ERG: variants seen among roughly 807,000 people sequenced by gnomAD.
The protein encoded by ERG is transcriptional regulator ERG.
A neutral mutation model predicts 55.3 loss-of-function variants in ERG; 9 were observed. That is an observed-to-expected ratio of 0.16 (90% confidence interval 0.10 to 0.28). ERG has a LOEUF of 0.28. Among genes scored for constraint, ERG ranks in the 10% least tolerant of loss-of-function variants. The pLI, the probability that ERG is intolerant of heterozygous loss-of-function variation, is 1.00. For synonymous variants in ERG, 223 were observed against 237.3 expected (o/e 0.94, Z 0.55); for missense variants, 434 against 631.6 (o/e 0.69, Z 3.35).
intron 2 of ERG, among the ~76,000 whole-genome samples, chr21:38,441,441 G>A (rs944061349): frequency 3.3e-5 from 5 of 152,182 alleles, no homozygotes; most frequent in African/African-American, 9.7e-5. Flanking sequence ...TTTCCAGCCT[G>A]CCAGCCTCCC....
At chr21:38,409,488 T>TAA (rs71330329) in intron 3 of ERG, among the ~76,000 whole-genome samples, 888 of 78,882 alleles carry the variant, frequency 0.011, 33 homozygotes, top group African/African-American at 0.02. Flanking sequence ...CTCCGTCTCA[T>TAA]AAAAAAAAAA....
At chr21:38,394,722 G>A (rs541510958) in intron 6 of ERG, among the ~76,000 whole-genome samples, 4 of 152,288 alleles carry the variant, frequency 2.6e-5, no homozygotes, top group Non-Finnish European at 4.4e-5. Flanking sequence ...GCCTGCTCTA[G>A]ACCATTGCTC....
At chr21:38,390,265 G>A (rs576394094) in intron 9 of ERG, among the ~76,000 whole-genome samples, 60 of 152,318 alleles carry the variant, frequency 3.9e-4, no homozygotes, top group African/African-American at 1.4e-3. Flanking sequence ...TTCTAGCATC[G>A]AAGTTCAGAA....
intron 1 of ERG, among the ~76,000 whole-genome samples, chr21:38,601,133 T>C (rs2060162090): frequency 2.0e-5 from 3 of 152,278 alleles, no homozygotes; most frequent in East Asian, 1.9e-4. Context: ...GATTCCAGGA[T>C]TGACAGGATG....
intron 1 of ERG, among the ~76,000 whole-genome samples, chr21:38,488,880 T>C (rs1424459577): frequency 1.3e-5 from 2 of 152,254 alleles, no homozygotes; most frequent in African/African-American, 4.8e-5. Context: ...ACCGAGTAGA[T>C]GACACCGAGG....
intron 1 of ERG, among the ~76,000 whole-genome samples, chr21:38,645,914 G>A (rs2060453137): frequency 6.6e-6 from 1 of 152,096 alleles, no homozygotes; most frequent in Non-Finnish European, 1.5e-5. Flanking sequence ...TGATGGCCCA[G>A]GAAGACGTCG....
upstream of ERG, among the ~76,000 whole-genome samples, chr21:38,498,826 C>A (rs1322211451): frequency 1.3e-5 from 2 of 152,124 alleles, no homozygotes; most frequent in Non-Finnish European, 2.9e-5. This position sits in a 1 kb window ranked among gnomAD's most constrained non-coding sequence, Gnocchi z 4.6. Flanking sequence ...CACCCCACTG[C>A]CCTGGGTGTC....
At position 38,382,810 on chromosome 21, in the gene ERG, A is replaced by C; in HGVS notation, c.*593T>G. On this transcript the variant is annotated 3_prime_UTR_variant, in exon 10 of 10. Transcript: ENST00000288319. ...GAGTTGGAAACTTTGGGTCATCTTC[A>C]CAGTTTGAGAAAGCTGACAGCTGTC... 1 of 1,066,212 alleles carries C rather than the reference A, an allele frequency of 9.4e-7. No individual in the cohort carries two copies. Among genetic ancestry groups the C allele is most frequent in the Non-Finnish European group, 1.1e-6 (1 of 879,572 alleles). The allele number at this position is 1,066,212 out of a possible 1,614,324, so 66.0% of individuals were successfully genotyped here. A position where few individuals can be genotyped will look rare whatever the true frequency, so the allele number is the denominator to read the frequency against.
chr21:38,445,583 A>G lies in ERG; in HGVS notation c.57T>C (p.Phe19=). 1 of 1,614,142 alleles carries G rather than the reference A, an allele frequency of 6.2e-7. No homozygotes were observed. The highest frequency in any genetic ancestry group is 8.5e-7 in the Non-Finnish European group (1 of 1,180,030). Residue 19 remains phenylalanine, a synonymous_variant, in exon 2 of 10, where the codon TTT becomes TTC. Coordinates refer to ENST00000288319, the MANE Select transcript of ERG (RefSeq NM_182918.4). The stretch of plus-strand genomic sequence containing the variant: ...GGTGTGGCGTTCCGTAGGCACACTC[A>G]AACAACGACTGGTCCTCACTCACAA... ...LSVVSEDQSL[F]ECAYGTPHLA...
intron 3 of ERG, among the ~76,000 whole-genome samples, chr21:38,421,182 A>G (rs971022091): frequency 6.6e-6 from 1 of 152,186 alleles, no homozygotes; most frequent in Admixed American, 6.5e-5. Flanking sequence ...AGGCAGTCTC[A>G]GGCATTCAGG....
intron 1 of ERG, among the ~76,000 whole-genome samples, chr21:38,659,906 T>C (rs2060541570): frequency 1.3e-5 from 2 of 152,254 alleles, no homozygotes; most frequent in Admixed American, 1.3e-4. Context: ...GGCTAGCTGA[T>C]AAAATACAGA....
At chr21:38,448,792 A>C (rs1437426524) in intron 1 of ERG, among the ~76,000 whole-genome samples, 1 of 152,196 alleles carries the variant, frequency 6.6e-6, no homozygotes, top group Non-Finnish European at 1.5e-5. Context: ...ACGCTGCTGC[A>C]TAGGGCCCTC....
intron 1 of ERG, among the ~76,000 whole-genome samples, chr21:38,623,606 T>A (rs1049230589): frequency 6.6e-6 from 1 of 152,134 alleles, no homozygotes; most frequent in Admixed American, 6.5e-5. Flanking sequence ...TCAGAGCTCA[T>A]GTGTGTGTTA....
intron 2 of ERG, among the ~76,000 whole-genome samples, chr21:38,546,129 C>A (rs1217456202): frequency 6.6e-6 from 1 of 152,176 alleles, no homozygotes; most frequent in African/African-American, 2.4e-5. Context: ...TTGCCCTGGT[C>A]CATCTCCCAG....
intron 6 of ERG, among the ~76,000 whole-genome samples, chr21:38,395,900 C>A (rs964303762): frequency 6.6e-6 from 1 of 152,186 alleles, no homozygotes; most frequent in African/African-American, 2.4e-5. Context: ...TGAGGAGGAA[C>A]GCTCTAGCTC....
intron 2 of ERG, among the ~76,000 whole-genome samples, chr21:38,424,708 A>G (rs1601379316): frequency 6.6e-6 from 1 of 152,286 alleles, no homozygotes; most frequent in South Asian, 2.1e-4. Context: ...CTCCTGCTCA[A>G]TTTCAAATCC....
intron 1 of ERG, among the ~76,000 whole-genome samples, chr21:38,495,063 T>G (rs2059368775): frequency 6.6e-6 from 1 of 152,258 alleles, no homozygotes; most frequent in South Asian, 2.1e-4. Flanking sequence ...TAACAAGGAC[T>G]GACGCAATTC....
intron 2 of ERG, among the ~76,000 whole-genome samples, chr21:38,431,943 C>T (rs764157893): frequency 6.6e-6 from 1 of 152,168 alleles, no homozygotes; most frequent in South Asian, 2.1e-4. Flanking sequence ...GCCTCTCCTC[C>T]TTACTGGCTG....
At position 38,619,824 on chromosome 21, in the gene ERG, G is replaced by A. The variant is rs370801580; in HGVS notation, c.-149-34879C>T. On this transcript the variant is annotated intron_variant, in intron 1 of 10. Coordinates refer to the ERG transcript ENST00000398910. ...TTCATTTTATCCTGGAAGATAATTC[G>A]TCATGGTTATTATGAGAATACCAAC... is the stretch of plus-strand genomic sequence containing the variant. Among the ~76,000 whole-genome samples the A allele has an allele frequency of 3.4e-3, 518 of 152,294 alleles. 2 individuals are homozygous for A. The highest frequency in any genetic ancestry group is 0.011 in the African/African-American group (452 of 41,564).
Sources: allele counts gnomAD v4.1 joint callset (sites outside exome capture counted in the v4.1 genomes callset), GRCh38; gene constraint gnomAD v4.1.1; non-coding constraint Gnocchi (gnomAD v3.1); transcripts MANE v1.5; gene names NCBI Gene and HGNC (gene_info 2026-07-23, HGNC 2026-07-21).